HERC6: variants seen among roughly 807,000 people sequenced by gnomAD.
The protein encoded by HERC6 is probable E3 ubiquitin-protein ligase HERC6.
In HERC6, 101 loss-of-function variants were observed where a neutral mutation model predicts 114.5. The ratio of observed to expected loss-of-function variants is 0.88; its 90% confidence interval spans 0.75 to 1.04. HERC6 has a LOEUF of 1.04. Ranked by LOEUF, HERC6 falls within the 50% of genes least tolerant of loss-of-function variation. The probability of loss-of-function intolerance (pLI) is 0.00; values close to 1 mark genes in which losing one functional copy is unlikely to be tolerated. For missense variants in HERC6, 1,133 were observed against 1,230.9 expected, an observed-to-expected ratio of 0.92 and a Z score of 1.19; for synonymous variants, 408 against 436.2, an observed-to-expected ratio of 0.94 and a Z score of 0.81.
chr4:88,381,039 C>A (rs1360001505), intron 1 of HERC6, among the ~76,000 whole-genome samples: 2 of 152,058 alleles, frequency 1.3e-5, no homozygotes, highest in Non-Finnish European at 2.9e-5. Flanking sequence ...GCATAACATT[C>A]TAAACTCTGA....
At chr4:88,413,990 T>C (rs1410939119) in intron 12 of HERC6, among the ~76,000 whole-genome samples, 4 of 152,170 alleles carry the variant, frequency 2.6e-5, no homozygotes, top group African/African-American at 9.7e-5. Flanking sequence ...TGACAGATAA[T>C]GTAATTTCAG....
rs369417601 is a variant in HERC6 at position 88,383,553 on chromosome 4, A to G, written c.359+173A>G. 5.9e-5 allele frequency among the ~76,000 whole-genome samples: 9 copies of G among 152,042 alleles called. No individual in the cohort carries two copies. In the East Asian group the frequency reaches 1.5e-3, roughly 26 times the overall value. On this transcript the variant is annotated intron_variant, in intron 2 of 22. Coordinates refer to ENST00000264346, the MANE Select transcript of HERC6 (RefSeq NM_017912.4). ...GTGGGCAGATCACTTGAGGTCAGGAATTTGAGACCAGCCTGGTCAACATGG... is the reference window on the plus strand; with the variant it reads ...GTGGGCAGATCACTTGAGGTCAGGAGTTTGAGACCAGCCTGGTCAACATGG...
chr4:88,429,975 G>A (rs1046640037), intron 16 of HERC6, among the ~76,000 whole-genome samples: 4 of 152,140 alleles, frequency 2.6e-5, no homozygotes, highest in Non-Finnish European at 5.9e-5. Flanking sequence ...GTCTTGACAC[G>A]GACAGACTTG....
rs991641154 is a variant in HERC6, at chr4:88,380,428, C to T, written c.199+1308C>T. Among the ~76,000 whole-genome samples the T allele has an allele frequency of 2.7e-3, 289 of 107,524 alleles. 3 individuals carry two copies. The highest frequency in any genetic ancestry group is 0.01 in the African/African-American group (278 of 27,358). The allele number at this position is 107,524 out of a possible 152,430, so 70.5% of individuals were successfully genotyped here. A position where few individuals can be genotyped will look rare whatever the true frequency, so the allele number is the denominator to read the frequency against. ...TATAATATATAAATATATATATATA[C>T]ACATAATAGGCCGGACGCGGTGGCT... On this transcript the variant is annotated intron_variant, in intron 1 of 22. Coordinates refer to ENST00000264346, the MANE Select transcript of HERC6 (RefSeq NM_017912.4).
At chr4:88,412,469 G>C (rs926841579) in intron 11 of HERC6, among the ~76,000 whole-genome samples, 3 of 152,116 alleles carry the variant, frequency 2.0e-5, no homozygotes, top group African/African-American at 4.8e-5. Context: ...TGGGCTGGCT[G>C]TGGCAGTGCA....
chr4:88,426,925 C>T (rs2148969507), intron 15 of HERC6, among the ~76,000 whole-genome samples: 1 of 152,332 alleles, frequency 6.6e-6, no homozygotes, highest in South Asian at 2.1e-4. Context: ...CCAAACCTAA[C>T]TTTCCCATCA....
At chr4:88,383,420 A>G in intron 2 of HERC6, 40 bp downstream of exon 2, 2 of 1,420,106 alleles carry the variant, frequency 1.4e-6, no homozygotes, top group South Asian at 1.5e-5. Flanking sequence ...TTCAATATAT[A>G]TAGTACCATG....
chr4:88,413,092 G>GA lies in HERC6; in HGVS notation c.1385dup (p.Asp463GlyfsTer2). ...TTTACCACAGATAACTACGTGTCTC[G>GA]AGGATGATCTGCTCAGAGCTCTTCC... is the stretch of plus-strand genomic sequence containing the variant. On this transcript the variant is annotated frameshift_variant, in exon 12 of 23. Transcript: ENST00000264346. LOFTEE classifies it high-confidence loss of function. 6.2e-7 allele frequency: 1 copy of GA among 1,607,614 alleles called. No individual in the cohort carries two copies. Among genetic ancestry groups the GA allele is most frequent in the Non-Finnish European group, 8.5e-7 (1 of 1,177,676 alleles).
At chr4:88,433,151 C>A (rs1314543953) in intron 17 of HERC6, among the ~76,000 whole-genome samples, 2 of 152,130 alleles carry the variant, frequency 1.3e-5, no homozygotes, top group Non-Finnish European at 2.9e-5. Context: ...ATCATTTAAT[C>A]TGTGTATGAA....
chr4:88,378,862 G>C lies in HERC6; in HGVS notation c.-60G>C, dbSNP rs1733990221. The C allele has an allele frequency of 1.4e-6, 2 of 1,460,978 alleles. No homozygotes were observed. Among genetic ancestry groups the C allele is most frequent in the Non-Finnish European group, 1.8e-6 (2 of 1,089,976 alleles). The allele number at this position is 1,460,978 out of a possible 1,614,324, so 90.5% of individuals were successfully genotyped here. A position where few individuals can be genotyped will look rare whatever the true frequency, so the allele number is the denominator to read the frequency against. The stretch of plus-strand genomic sequence containing the variant: ...ATCGCGCACCCAGTCACCAGCGTTC[G>C]GGAGCCTGTCGCAGCGGGACCGACG... On this transcript the variant is annotated 5_prime_UTR_variant, in exon 1 of 23. Transcript: ENST00000264346.
rs114875632 is a variant in HERC6 at position 88,391,251 on chromosome 4, C to T, written c.664+372C>T. Among the ~76,000 whole-genome samples, 979 of 152,308 alleles carry T rather than the reference C, an allele frequency of 6.4e-3. 10 individuals are homozygous for T. The highest frequency in any genetic ancestry group is 0.014 in the Middle Eastern group (4 of 294). ...TAATTGACTCATAGACCTCTTTCTT[C>T]TTCAAAGCTAGCAGTGGCTGATCAA... On this transcript the variant is annotated intron_variant, in intron 4 of 22. Transcript: ENST00000264346.
At chr4:88,407,066 T>A (rs1266900989) in intron 10 of HERC6, among the ~76,000 whole-genome samples, 2 of 151,680 alleles carry the variant, frequency 1.3e-5, no homozygotes, top group Admixed American at 6.6e-5. Context: ...GCCTCTTTTT[T>A]AAATTTTTAT....
chr4:88,400,458 A>G (rs985446136), intron 8 of HERC6, among the ~76,000 whole-genome samples: 3 of 152,172 alleles, frequency 2.0e-5, no homozygotes, highest in Admixed American at 1.3e-4. Flanking sequence ...TGGCCTGGCA[A>G]AGTGCTGGGA....
At chr4:88,401,490 CAAAAAAA>C (rs934279048) in intron 8 of HERC6, among the ~76,000 whole-genome samples, 4 of 56,736 alleles carry the variant, frequency 7.1e-5, no homozygotes, top group Admixed American at 4.1e-4. Flanking sequence ...GACTCCATCT[CAAAAAAA>C]AAAAAAAAAA....
rs553812570 is a variant in HERC6, at chr4:88,385,017, C to T, written c.360-482C>T. On this transcript the variant is annotated intron_variant, in intron 2 of 22. Transcript: ENST00000264346. ...CAGCCTGGGTGACAGAGCAAGACTC[C>T]GTCTGTGAAAAAAAAAAAGGAAATT... Among the ~76,000 whole-genome samples, 1,105 of 137,460 alleles carry T rather than the reference C, an allele frequency of 8.0e-3. 11 individuals are homozygous for T. Among genetic ancestry groups the T allele is most frequent in the Non-Finnish European group, 0.014 (911 of 64,506 alleles). The allele number at this position is 137,460 out of a possible 152,430, so 90.2% of individuals were successfully genotyped here. A position where few individuals can be genotyped will look rare whatever the true frequency, so the allele number is the denominator to read the frequency against.
intron 1 of HERC6, among the ~76,000 whole-genome samples, chr4:88,380,666 G>A (rs1734270471): frequency 6.7e-6 from 1 of 149,334 alleles, no homozygotes; most frequent in Non-Finnish European, 1.5e-5. Context: ...GCAGTGAGCC[G>A]AAATCGCGAC....
At chr4:88,426,744 G>A (rs1176871727) in intron 15 of HERC6, among the ~76,000 whole-genome samples, 1 of 152,244 alleles carries the variant, frequency 6.6e-6, no homozygotes, top group Non-Finnish European at 1.5e-5. Context: ...CCAAAGTGCT[G>A]GGATTACAGG....
At chr4:88,424,496 C>G (rs1202136906) in intron 14 of HERC6, 99 bp from the exon 15 acceptor site, 2 of 900,162 alleles carry the variant, frequency 2.2e-6, no homozygotes, top group Admixed American at 5.2e-5. Context: ...CAAAGAACCA[C>G]AAAAACCAGA....
At chr4:88,427,439 C>G (rs774263602) in intron 15 of HERC6, among the ~76,000 whole-genome samples, 1 of 152,110 alleles carries the variant, frequency 6.6e-6, no homozygotes, top group Non-Finnish European at 1.5e-5. Context: ...GCTGGATGTC[C>G]CAGACCTGCA....
Sources: gnomAD v4.1 joint callset for allele counts (sites outside exome capture counted in the v4.1 genomes callset) on GRCh38, gnomAD v4.1.1 for gene constraint, MANE v1.5 for transcripts, NCBI Gene and HGNC (gene_info 2026-07-23, HGNC 2026-07-21) for gene names.